The following TCL1A variants were observed in gnomAD, a reference collection of about 807,000 sequenced individuals.
TCL1A encodes T-cell leukemia/lymphoma protein 1A.
A neutral mutation model predicts 16.9 loss-of-function variants in TCL1A; 9 were observed. The ratio of observed to expected loss-of-function variants is 0.53; its 90% CI spans 0.32 to 0.93. The LOEUF is 0.93. Among genes scored for constraint, TCL1A ranks in the 40% least tolerant of loss-of-function variants. The pLI, the probability that TCL1A is intolerant of heterozygous loss-of-function variation, is 0.04. For missense variants in TCL1A, 139 were observed against 153.0 expected, an observed-to-expected ratio of 0.91 and a Z score of 0.48; for synonymous variants, 69 against 63.2, an observed-to-expected ratio of 1.09 and a Z score of -0.44.
chr14:95,711,079 GT>G (rs1212948623), intron 3 of TCL1A, among the ~76,000 whole-genome samples, 198 bp from the exon 4 acceptor site: 1 of 152,150 alleles, frequency 6.6e-6, no homozygotes, highest in East Asian at 1.9e-4. Context: ...TCATTTCTGA[GT>G]TTTGTACTCT....
intron 1 of TCL1A, chr14:95,712,747 G>A: frequency 8.3e-7 from 1 of 1,203,268 alleles, no homozygotes; most frequent in Non-Finnish European, 1.1e-6. Context: ...TTTAAGACCA[G>A]CCTGGGTCAC....
chr14:95,711,611 AAGCC>A, intron 3 of TCL1A, 134 bp downstream of exon 3: 6 of 940,592 alleles, frequency 6.4e-6, no homozygotes, highest in Admixed American at 5.0e-5. Flanking sequence ...TGCCTCCAGG[AAGCC>A]TCTCCCATCC....
At chr14:95,711,296 A>AG (rs1491407309) in intron 3 of TCL1A, among the ~76,000 whole-genome samples, 3,016 of 107,714 alleles carry the variant, frequency 0.028, 89 homozygotes, top group African/African-American at 0.11. Context: ...CGTCTCTACT[A>AG]AAAAAAAAAA....
At chr14:95,713,082 A>G (rs75659766) in intron 1 of TCL1A, among the ~76,000 whole-genome samples, 56 of 152,346 alleles carry the variant, frequency 3.7e-4, no homozygotes, top group Non-Finnish European at 7.5e-4. Flanking sequence ...TGAAATGCCA[A>G]TAAAAATGCA....
intron 1 of TCL1A, among the ~76,000 whole-genome samples, chr14:95,713,604 A>C (rs1886448064): frequency 1.3e-5 from 2 of 152,284 alleles, no homozygotes; most frequent in South Asian, 2.1e-4. Flanking sequence ...ACCTGAGATG[A>C]TTCCGATAAT....
chr14:95,713,574 A>T, intron 1 of TCL1A, among the ~76,000 whole-genome samples: 1 of 152,298 alleles, frequency 6.6e-6, no homozygotes, highest in African/African-American at 2.4e-5. Context: ...TCTTTTTAAA[A>T]ATACAGATTT....
chr14:95,711,318 A>G (rs968776721), intron 3 of TCL1A: 1 of 153,406 alleles, frequency 6.5e-6, no homozygotes, highest in East Asian at 1.9e-4. Flanking sequence ...AAAAAAAAAA[A>G]ATTAGCCAGG....
In TCL1A at chr14:95,712,791, A is replaced by C. The variant is rs60303382; in HGVS notation, c.121-395T>G. ...ACCCTGTATCTACAGGAAAAAAAAA[A>C]AACAACAAAGAAAGAAAGAGAGAAA... On this transcript the variant is annotated intron_variant, in intron 1 of 3. Coordinates refer to ENST00000402399, the MANE Select transcript of TCL1A (RefSeq NM_021966.3). 6.9e-3 allele frequency: 5,173 copies of C among 755,142 alleles called. 172 individuals are homozygous for C. In the African/African-American group the frequency reaches 0.077, roughly 11 times the overall value. The allele number at this position is 755,142 out of a possible 1,614,324, so 46.8% of individuals were successfully genotyped here.
chr14:95,711,544 G>A, intron 3 of TCL1A: 3 of 568,458 alleles, frequency 5.3e-6, no homozygotes, highest in South Asian at 2.4e-5. Flanking sequence ...GAGCAGCTGC[G>A]ATAAAGGGGG....
Position 95,714,070 on chromosome 14 carries a change from G to A in TCL1A, c.-4C>T, listed in dbSNP as rs1392092369. On this transcript the variant is annotated 5_prime_UTR_variant, in exon 1 of 4. It adds an upstream start codon to the 5' untranslated region. Transcript: ENST00000402399. ...CGAGTGTCGGGCACTCGGCCATGGC[G>A]TCCTCGGGCCGCCTAAGAAGCAAGA... 6.2e-7 allele frequency: 1 copy of A among 1,613,444 alleles called. No homozygotes were observed.
Position 95,712,396 on chromosome 14 carries a change from T to C in TCL1A, c.121A>G (p.Ile41Val). 2 of 1,599,524 alleles carry C rather than the reference T, an allele frequency of 1.3e-6. No homozygotes were observed. The highest frequency in any genetic ancestry group is 8.5e-7 in the Non-Finnish European group (1 of 1,170,184). The part of the protein sequence containing the change: ...QHAWLPLTIE[I>V]KDRLQLRVLL... ...ACCCGTAACTGTAACCTATCCTTTA[T>C]CTGAGGAGAAGAAAAGGACAGGGCA... The change falls in exon 2 of 4, where the codon ATA (isoleucine) becomes GTA (valine). Residue 41 changes from isoleucine to valine, a missense_variant and splice_region_variant. Coordinates refer to ENST00000402399, the MANE Select transcript of TCL1A (RefSeq NM_021966.3).
chr14:95,712,112 T>C, intron 2 of TCL1A, 108 bp downstream of exon 2: 1 of 1,373,386 alleles, frequency 7.3e-7, no homozygotes, highest in Non-Finnish European at 1.0e-6. Context: ...TCCCCCATTT[T>C]TTAATGCTTT....
At chr14:95,711,104 C>T (rs1381174405) in intron 3 of TCL1A, among the ~76,000 whole-genome samples, 1 of 152,088 alleles carries the variant, frequency 6.6e-6, no homozygotes, top group African/African-American at 2.4e-5. Context: ...TTCCTCAAAA[C>T]TCAATAGCGT....
At chr14:95,711,467 C>CA (rs1305960722) in intron 3 of TCL1A, 12,333 of 251,988 alleles carry the variant, frequency 0.049, 8 homozygotes, top group Middle Eastern at 0.066. Context: ...AGACTCATCT[C>CA]AAAAAAAAAA....
chr14:95,713,622 A>G (rs1026516842), intron 1 of TCL1A, among the ~76,000 whole-genome samples: 1 of 152,308 alleles, frequency 6.6e-6, no homozygotes, highest in Non-Finnish European at 1.5e-5. Flanking sequence ...AATCGGCCAT[A>G]TGGATGAGTC....
rs1005671823 is a variant in TCL1A, at chr14:95,709,977, T to G, written c.*911A>C. ...AGGAAAATAAATAAATCCATGAATA[T>G]TTTTTATTTGGGGGCTGCCTATTCT... On this transcript the variant is annotated 3_prime_UTR_variant, in exon 4 of 4. Coordinates refer to ENST00000402399, the MANE Select transcript of TCL1A (RefSeq NM_021966.3). 3 of 152,180 alleles carry G rather than the reference T, an allele frequency of 2.0e-5. No individual in the cohort carries two copies. Among genetic ancestry groups the G allele is most frequent in the Non-Finnish European group, 4.4e-5 (3 of 68,032 alleles). 9.4% of individuals were successfully genotyped at this position (152,180 alleles called of 1,614,324 possible).
intron 2 of TCL1A, 55 bp downstream of exon 2, chr14:95,712,165 T>A (rs1566746734): frequency 6.2e-7 from 1 of 1,602,986 alleles, no homozygotes; most frequent in Non-Finnish European, 8.5e-7. Context: ...AGGCCAGACA[T>A]GGAGGAGGGC....
At chr14:95,711,295 T>TAAAAA (rs1163643091) in intron 3 of TCL1A, among the ~76,000 whole-genome samples, 2 of 79,732 alleles carry the variant, frequency 2.5e-5, no homozygotes, top group African/African-American at 4.8e-5. Context: ...CCGTCTCTAC[T>TAAAAA]AAAAAAAAAA....
intron 2 of TCL1A, 63 bp from the exon 3 acceptor site, chr14:95,711,865 C>CA (rs1257995073): frequency 9.5e-6 from 15 of 1,582,448 alleles, no homozygotes; most frequent in Non-Finnish European, 1.1e-5. Context: ...CTCCATTCCT[C>CA]ACTCCTGCGC....
Sources: gnomAD v4.1 joint callset for allele counts (sites outside exome capture counted in the v4.1 genomes callset) on GRCh38, gnomAD v4.1.1 for gene constraint, MANE v1.5 for transcripts, NCBI Gene and HGNC (gene_info 2026-07-23, HGNC 2026-07-21) for gene names.